TK1: variants seen among roughly 807,000 people sequenced by gnomAD.
The protein encoded by TK1 is thymidine kinase 1.
In TK1, 13 loss-of-function variants were observed where a neutral mutation model predicts 22.4. The observed-to-expected ratio is 0.58, with a 90% CI of 0.38 to 0.92. TK1 has a LOEUF of 0.92. Ranked by LOEUF, TK1 falls within the 40% of genes least tolerant of loss-of-function variation. The pLI is 0.00. For synonymous variants in TK1, 134 were observed against 125.4 expected (o/e 1.07, Z -0.46); for missense variants, 251 against 315.7 (o/e 0.80, Z 1.55).
rs767963961 is a variant in TK1 at position 78,174,948 on chromosome 17, G to T, written c.516C>A (p.Val172=). The change falls in exon 7 of 7, where the codon GTC becomes GTA. Residue 172 remains valine (V), a splice_region_variant and synonymous_variant. Coordinates refer to ENST00000301634, the MANE Select transcript of TK1 (RefSeq NM_003258.5). ...ACTTGTCTGCTCCCCCAATCACCTC[G>T]ACCTGGCCGCAGGGACAGGGGATGG... ...YTKRLGTEKE[V]EVIGGADKYH... is the part of the protein sequence containing the mutation. 14 of 1,612,488 alleles carry T rather than the reference G, an allele frequency of 8.7e-6. No homozygotes were observed. In the African/African-American group the frequency reaches 1.7e-4, roughly 20 times the overall value.
intron 2 of TK1, 58 bp downstream of exon 2, chr17:78,186,729 G>C: frequency 6.5e-7 from 1 of 1,532,408 alleles, no homozygotes; most frequent in Admixed American, 2.0e-5. Context: ...GGAGGGACGG[G>C]ACAAGGGGTC....
Position 78,174,940 on chromosome 17 carries a change from A to G in TK1, c.524T>C (p.Ile175Thr), listed in dbSNP as rs1247555295. ...RLGTEKEVEV[I>T]GGADKYHSVC... ...GGAGTGGTACTTGTCTGCTCCCCCA[A>G]TCACCTCGACCTGGCCGCAGGGACA... The change falls in exon 7 of 7, where the codon ATT (isoleucine) becomes ACT (threonine). Residue 175 changes from isoleucine (I) to threonine (T), a missense_variant. Physicochemically the swap from Ile to Thr is moderately conservative, Grantham distance 89. Coordinates refer to ENST00000301634, the MANE Select transcript of TK1 (RefSeq NM_003258.5). The G allele has an allele frequency of 4.3e-6, 7 of 1,613,130 alleles. No homozygotes were observed. Among genetic ancestry groups the G allele is most frequent in the Admixed American group, 3.3e-5 (2 of 59,956 alleles).
At chr17:78,180,323 C>T (rs2075729816) in intron 4 of TK1, among the ~76,000 whole-genome samples, 1 of 152,190 alleles carries the variant, frequency 6.6e-6, no homozygotes, top group Admixed American at 6.5e-5. Context: ...GGTCTGTGAG[C>T]GAGAAATAAA....
rs546134681 is a variant in TK1 at position 78,179,432 on chromosome 17, G to A, written c.303+3157C>T. ...GGGCGCACCTCTGAAGGTCAGAAAC[G>A]GAATGGCCATACCCAAGCGGGGAGG... On this transcript the variant is annotated intron_variant, in intron 4 of 6. Coordinates refer to ENST00000301634, the MANE Select transcript of TK1 (RefSeq NM_003258.5). 8 of 985,472 alleles carry A rather than the reference G, an allele frequency of 8.1e-6. 1 individual carries two copies. In the African/African-American group the frequency reaches 8.7e-5, roughly 11 times the overall value. The allele number at this position is 985,472 out of a possible 1,614,324, so 61.0% of individuals were successfully genotyped here.
intron 4 of TK1, among the ~76,000 whole-genome samples, chr17:78,176,966 C>T (rs559969699): frequency 6.6e-6 from 1 of 152,328 alleles, no homozygotes; most frequent in East Asian, 1.9e-4. Flanking sequence ...TCACCCGCCA[C>T]ATGAGGGTAG....
chr17:78,178,737 C>T (rs374828922), intron 4 of TK1, among the ~76,000 whole-genome samples: 9 of 152,168 alleles, frequency 5.9e-5, no homozygotes, highest in Non-Finnish European at 1.2e-4. Context: ...CTTCGCCTAC[C>T]GGGTTCAAGC....
chr17:78,181,292 A>T (rs555681395), intron 4 of TK1, among the ~76,000 whole-genome samples: 3 of 152,126 alleles, frequency 2.0e-5, no homozygotes, highest in African/African-American at 7.2e-5. Flanking sequence ...TCATGCCTGT[A>T]ATTCCAACAC....
In TK1 at chr17:78,175,204, C is replaced by T. The variant is rs745548898; in HGVS notation, c.394-35G>A. 13 of 1,571,316 alleles carry T rather than the reference C, an allele frequency of 8.3e-6. No homozygotes were observed. The East Asian group carries it at 2.4e-4, about 28-fold the overall frequency. ...CATGGAAAGACAGAGGGCGCTCAGC[C>T]ACCTTACCAGGTGGGTTTTTCTTTT... is the stretch of plus-strand genomic sequence containing the variant. On this transcript the variant is annotated intron_variant, in intron 5 of 6. Coordinates refer to ENST00000301634, the MANE Select transcript of TK1 (RefSeq NM_003258.5).
intron 3 of TK1, among the ~76,000 whole-genome samples, chr17:78,183,503 G>T (rs2075754094): frequency 6.6e-6 from 1 of 152,098 alleles, no homozygotes; most frequent in South Asian, 2.1e-4. Flanking sequence ...GACCAGCCTG[G>T]GTAACACAGC....
intron 3 of TK1, among the ~76,000 whole-genome samples, chr17:78,184,554 G>A (rs58844403): frequency 8.4e-6 from 1 of 119,112 alleles, no homozygotes; most frequent in African/African-American, 3.8e-5. Context: ...GCCAGGTGAC[G>A]GGGGAGCCAG....
Position 78,174,640 on chromosome 17 carries a change from C to T in TK1, c.*119G>A, listed in dbSNP as rs980058485. 60 of 1,195,088 alleles carry T rather than the reference C, an allele frequency of 5.0e-5. No homozygotes were observed. The highest frequency in any genetic ancestry group is 3.6e-4 in the Admixed American group (13 of 36,082). 74.0% of individuals were successfully genotyped at this position (1,195,088 alleles called of 1,614,324 possible). A position where few individuals can be genotyped will look rare whatever the true frequency, so the allele number is the denominator to read the frequency against. The stretch of plus-strand genomic sequence containing the variant: ...CACACAAAGGAGAGTTCCCAGAAGG[C>T]CAAGGTGTGGTCACCCTCCACGCCT... On this transcript the variant is annotated 3_prime_UTR_variant, in exon 7 of 7. Transcript: ENST00000301634.
At chr17:78,185,761 C>T (rs1355668304) in intron 2 of TK1, among the ~76,000 whole-genome samples, 1 of 152,120 alleles carries the variant, frequency 6.6e-6, no homozygotes, top group Non-Finnish European at 1.5e-5. Flanking sequence ...AACTCCTAAC[C>T]TCAAGTGATC....
chr17:78,183,820 C>T (rs560867716), intron 3 of TK1: 1 of 152,378 alleles, frequency 6.6e-6, no homozygotes, highest in Non-Finnish European at 1.5e-5. Context: ...ATTTTAAATT[C>T]CCTCTTCCCT....
At chr17:78,178,991 C>T (rs1293424117) in intron 4 of TK1, among the ~76,000 whole-genome samples, 2 of 152,022 alleles carry the variant, frequency 1.3e-5, no homozygotes, top group Non-Finnish European at 2.9e-5. Flanking sequence ...GGAAGTAGAC[C>T]GAGAAATCCC....
intron 3 of TK1, 40 bp from the exon 4 acceptor site, chr17:78,182,722 G>C: frequency 6.8e-7 from 1 of 1,463,560 alleles, no homozygotes; most frequent in Non-Finnish European, 9.1e-7. Context: ...GGCCAGGGAG[G>C]CCAGAAGCCA....
Position 78,182,603 on chromosome 17 carries a change from CGATGCCTAT to C in TK1, c.280_288del (p.Ile94_Ile96del), listed in dbSNP as rs756198355. On this transcript the variant is annotated inframe_deletion, in exon 4 of 7. Transcript: ENST00000301634. ...AGCCAACTTACAAACTGCCCCTCGT[CGATGCCTAT>C]GACAGCCACGCCCAGGGCCTCCTGG... 1.6e-5 allele frequency: 26 copies of C among 1,587,488 alleles called. No individual in the cohort carries two copies. The highest frequency in any genetic ancestry group is 2.1e-5 in the Non-Finnish European group (24 of 1,166,964).
At chr17:78,185,441 C>G (rs1459269690) in intron 2 of TK1, among the ~76,000 whole-genome samples, 1 of 152,144 alleles carries the variant, frequency 6.6e-6, no homozygotes, top group African/African-American at 2.4e-5. Context: ...GTGGGGAAGG[C>G]AGAAGCAAAG....
At chr17:78,179,485 C>T in intron 4 of TK1, 1 of 985,432 alleles carries the variant, frequency 1.0e-6, no homozygotes, top group Non-Finnish European at 1.2e-6. Context: ...TGGTCGGGAA[C>T]CCAGAGCGGA....
Position 78,182,574 on chromosome 17 carries a change from G to C in TK1, c.303+15C>G, listed in dbSNP as rs2075745203. On this transcript the variant is annotated intron_variant, in intron 4 of 6. Transcript: ENST00000301634. ...AAGCTGGCAGGAAGAGTGATGCCAAGACAAGCCAACTTACAAACTGCCCCT... is the reference window on the plus strand; with the variant it reads ...AAGCTGGCAGGAAGAGTGATGCCAACACAAGCCAACTTACAAACTGCCCCT... The C allele has an allele frequency of 6.4e-7, 1 of 1,559,710 alleles. No homozygotes were observed. The highest frequency in any genetic ancestry group is 8.7e-7 in the Non-Finnish European group (1 of 1,150,258).
Sources: gnomAD v4.1 joint callset for allele counts (sites outside exome capture counted in the v4.1 genomes callset) on GRCh38, gnomAD v4.1.1 for gene constraint, MANE v1.5 for transcripts, NCBI Gene and HGNC (gene_info 2026-07-23, HGNC 2026-07-21) for gene names.